Variants in DHRS12 observed in about 807,000 individuals in gnomAD.
DHRS12 encodes the protein dehydrogenase/reductase 12, also known as dehydrogenase/reductase SDR family member 12.
In DHRS12, 29 loss-of-function variants were observed where a neutral mutation model predicts 32.1. The observed-to-expected ratio is 0.90, with a 90% CI of 0.67 to 1.23. DHRS12 has a LOEUF of 1.23. Among genes scored for constraint, DHRS12 ranks in the 50% most tolerant of loss-of-function variants. The pLI is 0.00. For missense variants in DHRS12, 330 were observed against 337.2 expected, an observed-to-expected ratio of 0.98 and a Z score of 0.17; for synonymous variants, 150 against 135.9, an observed-to-expected ratio of 1.10 and a Z score of -0.72.
the DHRS12 span, chr13:51,755,486 A>G: frequency 6.3e-7 from 1 of 1,596,862 alleles, no homozygotes. Flanking sequence ...CTTCATCAAA[A>G]TGTAATTATA....
chr13:51,769,352 T>C, intron 7 of DHRS12, 59 bp from the exon 8 acceptor site: 2 of 1,282,216 alleles, frequency 1.6e-6, no homozygotes, highest in South Asian at 1.6e-5. Flanking sequence ...TGTGGTTGAC[T>C]TCCCTTAATT....
intron 1 of DHRS12, 94 bp from the exon 2 acceptor site, chr13:51,799,761 G>T: frequency 6.9e-7 from 1 of 1,449,476 alleles, no homozygotes; most frequent in Admixed American, 1.8e-5. Context: ...GGGCATTATT[G>T]CTGTCTCCGC....
chr13:51,757,245 C>T, the DHRS12 span, among the ~76,000 whole-genome samples: 2 of 152,288 alleles, frequency 1.3e-5, no homozygotes, highest in African/African-American at 4.8e-5. Flanking sequence ...TTCTACTCAT[C>T]ATACGTGATG....
intron 2 of DHRS12, among the ~76,000 whole-genome samples, chr13:51,799,211 T>G (rs1368134416): frequency 6.6e-6 from 1 of 152,176 alleles, no homozygotes; most frequent in East Asian, 1.9e-4. Context: ...TGTTTTTGTT[T>G]TTGTTTTTTT....
the DHRS12 span, chr13:51,755,466 G>C: frequency 6.2e-7 from 1 of 1,610,962 alleles, no homozygotes. Context: ...ACAGGTGAGT[G>C]ATATGGATGC....
intron 7 of DHRS12, chr13:51,770,707 C>G: frequency 1.0e-6 from 1 of 981,646 alleles, no homozygotes; most frequent in African/African-American, 1.8e-5. Context: ...TGAGATGCCA[C>G]AAAGCACCAA....
At chr13:51,786,227 G>A (rs1294073606) in intron 4 of DHRS12, among the ~76,000 whole-genome samples, 4 of 152,252 alleles carry the variant, frequency 2.6e-5, no homozygotes, top group East Asian at 1.9e-4. Context: ...ATTAATTGGT[G>A]ACGCAGCTGT....
the DHRS12 span, chr13:51,759,796 G>T: frequency 6.2e-7 from 1 of 1,612,212 alleles, no homozygotes; most frequent in Non-Finnish European, 8.5e-7. Flanking sequence ...CAGAAAGATA[G>T]TATTTACTAA....
At chr13:51,778,379 C>T (rs1320079043) in intron 4 of DHRS12, among the ~76,000 whole-genome samples, 1 of 152,120 alleles carries the variant, frequency 6.6e-6, no homozygotes, top group African/African-American at 2.4e-5. Context: ...TGTTCACAGC[C>T]CAATTTATTT....
intron 1 of DHRS12, among the ~76,000 whole-genome samples, chr13:51,802,469 A>G (rs926351456): frequency 6.6e-6 from 1 of 152,214 alleles, no homozygotes; most frequent in Non-Finnish European, 1.5e-5. Context: ...GGGAGGAGGA[A>G]GCTGGCAGGT....
intron 8 of DHRS12, 73 bp from the exon 9 acceptor site, chr13:51,768,369 C>A: frequency 6.5e-7 from 1 of 1,529,690 alleles, no homozygotes; most frequent in South Asian, 1.2e-5. Context: ...CTGTGCTGCT[C>A]AGGCCTTGAA....
chr13:51,787,110 GAATA>G (rs1402276501), intron 4 of DHRS12, among the ~76,000 whole-genome samples: 1 of 152,116 alleles, frequency 6.6e-6, no homozygotes, highest in African/African-American at 2.4e-5. Flanking sequence ...GAGAGAGGAT[GAATA>G]AATATCAAAG....
intron 1 of DHRS12, 97 bp downstream of exon 1, chr13:51,803,957 G>A: frequency 1.7e-6 from 2 of 1,169,222 alleles, no homozygotes; most frequent in Non-Finnish European, 2.2e-6. Context: ...GCGAGAGGGC[G>A]AAGGAGCCGC....
chr13:51,755,103 A>G, the DHRS12 span, among the ~76,000 whole-genome samples: 2 of 152,116 alleles, frequency 1.3e-5, no homozygotes, highest in South Asian at 4.1e-4. Flanking sequence ...GGGCCTTCAC[A>G]CACTTATGCT....
chr13:51,768,542 G>A, intron 8 of DHRS12: 1 of 1,369,438 alleles, frequency 7.3e-7, no homozygotes, highest in Non-Finnish European at 9.4e-7. Context: ...TGGGTGATCA[G>A]CAGGAAGGGG....
chr13:51,771,930 G>A lies in DHRS12; in HGVS notation c.469-19C>T, dbSNP rs371091134. 192 of 1,613,022 alleles carry A rather than the reference G, an allele frequency of 1.2e-4. 1 individual carries two copies. In the African/African-American group the frequency reaches 2.2e-3, roughly 19 times the overall value. ...GCTGCCTCTGGACAGGAAGGAGCGA[G>A]GGGGTGAACAGGAGAGAGGAGGCGC... On this transcript the variant is annotated intron_variant, in intron 6 of 8. Transcript: ENST00000444610.
chr13:51,771,055 C>A (rs1416039761), intron 7 of DHRS12: 1 of 1,433,932 alleles, frequency 7.0e-7, no homozygotes, highest in African/African-American at 1.4e-5. Flanking sequence ...ATGGCCAGGC[C>A]CGGCTGGGAG....
chr13:51,802,788 T>C (rs185828383), intron 1 of DHRS12, among the ~76,000 whole-genome samples: 4 of 152,348 alleles, frequency 2.6e-5, no homozygotes, highest in African/African-American at 9.6e-5. Context: ...CCATCTAACT[T>C]TGCCAACTGC....
At chr13:51,761,241 T>TGAA in the DHRS12 span, 1 of 152,356 alleles carries the variant, frequency 6.6e-6, no homozygotes, top group Non-Finnish European at 1.5e-5. Flanking sequence ...AAAGTGAACC[T>TGAA]GAAGAACTCT....
Sources: allele counts gnomAD v4.1 joint callset (sites outside exome capture counted in the v4.1 genomes callset), GRCh38; gene constraint gnomAD v4.1.1; transcripts MANE v1.5; gene names NCBI Gene and HGNC (gene_info 2026-07-23, HGNC 2026-07-21).